The following ANK2 variants were observed in gnomAD, a reference collection of about 807,000 sequenced individuals.
The protein encoded by ANK2 is ankyrin-2.
Under a neutral mutation model 360.5 loss-of-function variants are expected in ANK2, and 83 were observed. The observed-to-expected ratio is 0.23, with a 90% CI of 0.19 to 0.28. ANK2 has a LOEUF of 0.28. Ranked by LOEUF, ANK2 falls within the 10% of genes least tolerant of loss-of-function variation. ANK2 has a pLI of 1.00. For missense variants in ANK2, 4,201 were observed against 4,795.7 expected (o/e 0.88, Z 3.66); for synonymous variants, 1,740 against 1,759.5 (o/e 0.99, Z 0.28).
intron 2 of ANK2, among the ~76,000 whole-genome samples, chr4:112,971,303 T>A (rs1046085080): frequency 1.3e-5 from 2 of 152,184 alleles, no homozygotes; most frequent in African/African-American, 4.8e-5. Context: ...TTATTCGCAT[T>A]TCTACTGCAA....
intron 14 of ANK2, among the ~76,000 whole-genome samples, chr4:113,274,217 A>G (rs1471516284): frequency 6.6e-6 from 1 of 152,256 alleles, no homozygotes; most frequent in Non-Finnish European, 1.5e-5. Flanking sequence ...TTCAGAAAGC[A>G]GTGATCAAGT....
intron 1 of ANK2, among the ~76,000 whole-genome samples, chr4:113,158,274 T>A (rs2097374984): frequency 6.6e-6 from 1 of 152,176 alleles, no homozygotes; most frequent in African/African-American, 2.4e-5. Flanking sequence ...AATGCACCTT[T>A]TAGCAAGTGT....
intron 4 of ANK2, chr4:113,216,916 G>C (rs1257310819): frequency 6.6e-6 from 1 of 151,878 alleles, no homozygotes; most frequent in Admixed American, 6.6e-5. Flanking sequence ...GGAAAGGCTT[G>C]CTATAGAACG....
chr4:113,252,773 A>G (rs1040890182), intron 10 of ANK2, among the ~76,000 whole-genome samples: 1 of 152,136 alleles, frequency 6.6e-6, no homozygotes, highest in Non-Finnish European at 1.5e-5. Context: ...TTACGTATTC[A>G]TACTACCTGC....
At position 113,355,530 on chromosome 4, in the gene ANK2, T is replaced by C. The variant is rs190680846; in HGVS notation, c.6912T>C (p.Thr2304=). 1,865 of 1,614,072 alleles carry C rather than the reference T, an allele frequency of 1.2e-3. 1 individual carries two copies. Among genetic ancestry groups the C allele is most frequent in the Non-Finnish European group, 1.5e-3 (1,759 of 1,179,962 alleles). The change falls in exon 38 of 46, where the codon ACT becomes ACC. Residue 2304 remains threonine, a synonymous_variant. Transcript: ENST00000357077. ...ATVTEDSETS[T]ESFQKEATLG... ...TCACTGAGGACTCAGAGACCTCTAC[T>C]GAGAGTTTTCAGAAAGAGGCCACTC... is the stretch of plus-strand genomic sequence containing the variant.
chr4:113,088,667 GACTGGAAAGGA>G (rs1396458290), intron 1 of ANK2, among the ~76,000 whole-genome samples: 1 of 152,044 alleles, frequency 6.6e-6, no homozygotes, highest in Non-Finnish European at 1.5e-5. Context: ...GAAATCAAAT[GACTGGAAAGGA>G]ACTGGAAAGG....
At chr4:112,743,192 G>T in the ANK2 span, among the ~76,000 whole-genome samples, 13 of 152,230 alleles carry the variant, frequency 8.5e-5, no homozygotes, top group African/African-American at 3.1e-4. Context: ...CCTTTTTGGG[G>T]ACAGAAACAT....
chr4:113,185,007 C>T (rs907830540), intron 2 of ANK2, among the ~76,000 whole-genome samples: 1 of 152,130 alleles, frequency 6.6e-6, no homozygotes, highest in African/African-American at 2.4e-5. Flanking sequence ...TTTCCAGCTT[C>T]GTCCATGTCC....
chr4:113,118,641 T>A (rs1224109850), intron 1 of ANK2, among the ~76,000 whole-genome samples: 2 of 152,212 alleles, frequency 1.3e-5, no homozygotes, highest in Admixed American at 1.3e-4. Flanking sequence ...ACTTTCATAC[T>A]GCTTGTCTGA....
chr4:112,788,429 G>T, the ANK2 span: 1 of 1,598,810 alleles, frequency 6.3e-7, no homozygotes, highest in Non-Finnish European at 8.5e-7. Context: ...CACCAGCTGA[G>T]CTTTCTTGTT....
chr4:112,934,786 G>A (rs1263435910), intron 2 of ANK2, among the ~76,000 whole-genome samples: 3 of 152,178 alleles, frequency 2.0e-5, no homozygotes, highest in Non-Finnish European at 2.9e-5. Context: ...TGAAATATAT[G>A]CTATGTATAT....
rs1013756270 is a variant in ANK2 at position 113,257,958 on chromosome 4, G to C, written c.1189-92G>C. 5 of 1,164,838 alleles carry C rather than the reference G, an allele frequency of 4.3e-6. No homozygotes were observed. The African/African-American group carries it at 4.5e-5, about 11-fold the overall frequency. The allele number at this position is 1,164,838 out of a possible 1,614,324, so 72.2% of individuals were successfully genotyped here. ...TGAAGAAATGGTAACATTATGTGAC[G>C]ATGTAACATTATTGCCTGCAATGTG... is the stretch of plus-strand genomic sequence containing the variant. On this transcript the variant is annotated intron_variant, in intron 11 of 45. Transcript: ENST00000357077.
chr4:112,778,039 G>A, the ANK2 span, among the ~76,000 whole-genome samples: 3 of 151,452 alleles, frequency 2.0e-5, no homozygotes, highest in South Asian at 6.3e-4. Context: ...GCGCGATCTC[G>A]GCTCACTGCA....
chr4:113,177,495 A>G (rs1259510729), intron 2 of ANK2, among the ~76,000 whole-genome samples: 2 of 152,226 alleles, frequency 1.3e-5, no homozygotes, highest in African/African-American at 4.8e-5. Flanking sequence ...ATTTAGGTAA[A>G]CTTATCATAA....
At chr4:113,120,292 A>G (rs953957080) in intron 1 of ANK2, among the ~76,000 whole-genome samples, 1 of 152,166 alleles carries the variant, frequency 6.6e-6, no homozygotes, top group Non-Finnish European at 1.5e-5. Context: ...GAATATCTCT[A>G]TTCTAATTAT....
intron 26 of ANK2, among the ~76,000 whole-genome samples, chr4:113,327,355 G>A (rs924641357): frequency 2.6e-5 from 4 of 152,152 alleles, no homozygotes; most frequent in African/African-American, 9.7e-5. Flanking sequence ...AAGCCTGTAG[G>A]AGAATATTTA....
Position 113,341,868 on chromosome 4 carries a change from T to C in ANK2, c.4074T>C (p.Leu1358=), listed in dbSNP as rs759582929. The change falls in exon 33 of 46, where the codon CTT becomes CTC. Residue 1358 remains leucine, a synonymous_variant. Coordinates refer to ENST00000357077, the MANE Select transcript of ANK2 (RefSeq NM_001148.6). ...CTGATGATAAAGTGGATAAGACCCTTGAACAACAAGAAAATTTTGCTGAGG... is the reference window on the plus strand; with the variant it reads ...CTGATGATAAAGTGGATAAGACCCTCGAACAACAAGAAAATTTTGCTGAGG... ...CMTDDKVDKT[L]EQQENFAEVA... The C allele has an allele frequency of 5.1e-5, 82 of 1,613,852 alleles. No homozygotes were observed. Among genetic ancestry groups the C allele is most frequent in the Non-Finnish European group, 6.5e-5 (77 of 1,180,000 alleles).
the ANK2 span, among the ~76,000 whole-genome samples, chr4:112,733,438 T>C: frequency 2.0e-5 from 3 of 152,186 alleles, no homozygotes; most frequent in Non-Finnish European, 4.4e-5. Context: ...ATAGCTCTAC[T>C]AGTGACAAAG....
chr4:112,725,241 C>T, the ANK2 span, among the ~76,000 whole-genome samples: 1 of 138,914 alleles, frequency 7.2e-6, no homozygotes, highest in African/African-American at 2.7e-5. Flanking sequence ...GAGATTGCGC[C>T]ACTGCACTCC....
Sources: allele counts gnomAD v4.1 joint callset (sites outside exome capture counted in the v4.1 genomes callset), GRCh38; gene constraint gnomAD v4.1.1; transcripts MANE v1.5; gene names NCBI Gene and HGNC (gene_info 2026-07-23, HGNC 2026-07-21).